TMEM50B: variants seen among roughly 807,000 people sequenced by gnomAD.
TMEM50B encodes the protein transmembrane protein 50B.
A neutral mutation model predicts 23.4 loss-of-function variants in TMEM50B; 14 were observed. That is an observed-to-expected ratio of 0.60 (90% confidence interval 0.39 to 0.93). The LOEUF (loss-of-function observed/expected upper bound fraction) is 0.93. Among genes scored for constraint, TMEM50B ranks in the 40% least tolerant of loss-of-function variants. The probability of loss-of-function intolerance (pLI) is 0.00; values close to 1 mark genes in which losing one functional copy is unlikely to be tolerated. For missense variants in TMEM50B, 159 were observed against 193.0 expected (o/e 0.82, Z 1.04); for synonymous variants, 64 against 62.3 (o/e 1.03, Z -0.13).
intron 1 of TMEM50B, among the ~76,000 whole-genome samples, chr21:33,476,630 G>A (rs2843721): frequency 1.3e-5 from 2 of 151,560 alleles, no homozygotes; most frequent in Non-Finnish European, 2.9e-5. Flanking sequence ...GCGTGGTGGA[G>A]GGTGCCTGTA....
chr21:33,475,113 G>A (rs538832750), intron 1 of TMEM50B, among the ~76,000 whole-genome samples: 1 of 151,838 alleles, frequency 6.6e-6, no homozygotes, highest in Non-Finnish European at 1.5e-5. Context: ...TTTTGGTAGA[G>A]ACAGGGTTTC....
intron 3 of TMEM50B, among the ~76,000 whole-genome samples, chr21:33,466,379 C>A (rs745317111): frequency 2.6e-5 from 4 of 151,954 alleles, no homozygotes; most frequent in Non-Finnish European, 4.4e-5. Context: ...AATGAGGTAA[C>A]ATAAACTTAA....
chr21:33,478,837 C>G (rs967530811), intron 1 of TMEM50B: 1 of 471,082 alleles, frequency 2.1e-6, no homozygotes, highest in Non-Finnish European at 4.4e-6. Flanking sequence ...AAAGTGTGAC[C>G]GGCCTGAGAG....
chr21:33,447,143 G>GA (rs34801089), downstream of TMEM50B: 74,109 of 127,334 alleles, frequency 0.58, 22,390 homozygotes, highest in East Asian at 0.83. Context: ...AACTCCATCT[G>GA]AAAAAAAAAA....
At chr21:33,467,478 G>A (rs1350576819) in intron 2 of TMEM50B, among the ~76,000 whole-genome samples, 3 of 152,226 alleles carry the variant, frequency 2.0e-5, no homozygotes, top group Non-Finnish European at 2.9e-5. Context: ...ACAAAAATTA[G>A]CTGGGCATGG....
At chr21:33,470,894 A>C (rs192084434) in intron 1 of TMEM50B, among the ~76,000 whole-genome samples, 35 of 151,652 alleles carry the variant, frequency 2.3e-4, no homozygotes, top group Admixed American at 5.9e-4. Flanking sequence ...CCTCTCAAAG[A>C]AAAAAAAAGA....
intron 4 of TMEM50B, among the ~76,000 whole-genome samples, chr21:33,461,882 TA>T (rs1394828084): frequency 2.0e-5 from 3 of 151,906 alleles, no homozygotes; most frequent in Non-Finnish European, 2.9e-5. Flanking sequence ...CTAATAGAAT[TA>T]AACAAGAAAA....
intron 1 of TMEM50B, among the ~76,000 whole-genome samples, chr21:33,475,306 T>C (rs961948502): frequency 6.6e-6 from 1 of 152,162 alleles, no homozygotes; most frequent in Non-Finnish European, 1.5e-5. Flanking sequence ...ATGTTTTATA[T>C]GCTTTTTTGT....
chr21:33,457,850 C>A lies in TMEM50B; in HGVS notation c.374-2066G>T, dbSNP rs148646513. Among the ~76,000 whole-genome samples, 18 of 152,160 alleles carry A rather than the reference C, an allele frequency of 1.2e-4. No individual in the cohort carries two copies. In the East Asian group the frequency reaches 3.3e-3, roughly 28 times the overall value. ...CTCCCTACTCTGAGTTCCTGTGTGACCCCAACCCACCCCCCGGAACCTAAC... is the reference window on the plus strand; with the variant it reads ...CTCCCTACTCTGAGTTCCTGTGTGAACCCAACCCACCCCCCGGAACCTAAC... On this transcript the variant is annotated intron_variant, in intron 5 of 6. Coordinates refer to ENST00000542230, the MANE Select transcript of TMEM50B (RefSeq NM_006134.7).
At chr21:33,464,198 A>T (rs988276841) in intron 4 of TMEM50B, among the ~76,000 whole-genome samples, 3 of 140,380 alleles carry the variant, frequency 2.1e-5, no homozygotes, top group South Asian at 2.3e-4. Context: ...TATAATGTAA[A>T]TTTTTTTTTT....
intron 1 of TMEM50B, among the ~76,000 whole-genome samples, chr21:33,476,060 T>C (rs1206006384): frequency 1.3e-5 from 2 of 152,246 alleles, no homozygotes; most frequent in South Asian, 2.1e-4. Flanking sequence ...TATTATTTAA[T>C]ACAGTCTTCA....
intron 5 of TMEM50B, chr21:33,456,216 C>T: frequency 2.3e-6 from 1 of 427,566 alleles, no homozygotes; most frequent in Non-Finnish European, 4.8e-6. Context: ...AGAAATGGGG[C>T]CTCACTATAT....
downstream of TMEM50B, among the ~76,000 whole-genome samples, chr21:33,448,085 C>T (rs1348499574): frequency 1.3e-5 from 2 of 151,774 alleles, no homozygotes; most frequent in Admixed American, 6.6e-5. Flanking sequence ...CTCTGCCTCC[C>T]GGGTTCAAGC....
At chr21:33,477,276 G>C (rs1601139195) in intron 1 of TMEM50B, among the ~76,000 whole-genome samples, 2 of 150,566 alleles carry the variant, frequency 1.3e-5, no homozygotes, top group South Asian at 4.2e-4. Context: ...AACACAGTGA[G>C]ACCCGGTCTC....
chr21:33,468,058 C>T (rs996023716), intron 2 of TMEM50B, among the ~76,000 whole-genome samples: 23 of 131,352 alleles, frequency 1.8e-4, no homozygotes, highest in Non-Finnish European at 3.4e-4. Flanking sequence ...AGCAAGACCT[C>T]GTCTCTTTAA....
chr21:33,442,020 CTTGT>C (rs71702114), intron 7 of TMEM50B, among the ~76,000 whole-genome samples: 88,453 of 151,524 alleles, frequency 0.58, 27,809 homozygotes, highest in East Asian at 0.82. Flanking sequence ...TATTTGTTTG[CTTGT>C]TTGTTTGAAG....
At chr21:33,458,951 C>T (rs2084193351) in intron 5 of TMEM50B, among the ~76,000 whole-genome samples, 1 of 152,102 alleles carries the variant, frequency 6.6e-6, no homozygotes, top group Admixed American at 6.6e-5. Flanking sequence ...CAAAAGTATT[C>T]CAAAGATCTT....
chr21:33,437,307 A>ATCTACACCAT, intron 8 of TMEM50B: 3 of 268,280 alleles, frequency 1.1e-5, no homozygotes, highest in South Asian at 8.3e-5. Flanking sequence ...CAGTCAGAAG[A>ATCTACACCAT]CCTGGTCGTC....
intron 1 of TMEM50B, among the ~76,000 whole-genome samples, chr21:33,475,877 C>T (rs2084365149): frequency 6.6e-6 from 1 of 151,878 alleles, no homozygotes; most frequent in Non-Finnish European, 1.5e-5. Flanking sequence ...TCACTTAAAC[C>T]CAGGAGGTGG....
Sources: gnomAD v4.1 joint callset for allele counts (sites outside exome capture counted in the v4.1 genomes callset) on GRCh38, gnomAD v4.1.1 for gene constraint, MANE v1.5 for transcripts, NCBI Gene and HGNC (gene_info 2026-07-23, HGNC 2026-07-21) for gene names.